GLOD4: variants seen among roughly 807,000 people sequenced by gnomAD.
GLOD4 encodes glyoxalase domain containing 4.
GLOD4 carries 44 observed loss-of-function variants against 39.1 expected under a neutral mutation model. The ratio of observed to expected loss-of-function variants is 1.13; its 90% confidence interval spans 0.88 to 1.45. The LOEUF (loss-of-function observed/expected upper bound fraction) is 1.45. Ranked by LOEUF, GLOD4 falls within the 40% of genes most tolerant of loss-of-function variation. The probability of loss-of-function intolerance (pLI) is 0.00; values close to 1 mark genes in which losing one functional copy is unlikely to be tolerated. For synonymous variants in GLOD4, 145 were observed against 135.0 expected (o/e 1.07, Z -0.52); for missense variants, 405 against 366.4 (o/e 1.11, Z -0.86).
intron 4 of GLOD4, among the ~76,000 whole-genome samples, chr17:771,873 C>A (rs1031669373): frequency 2.0e-5 from 3 of 151,812 alleles, no homozygotes; most frequent in African/African-American, 7.3e-5. Flanking sequence ...ATTAGCTGGG[C>A]GTGGTGGCGC....
At chr17:782,577 G>T, upstream of GLOD4, 1 of 1,614,116 alleles carries the variant, frequency 6.2e-7, no homozygotes, top group Middle Eastern at 1.6e-4. Flanking sequence ...TGAGGCCAGT[G>T]CCCAGGAGCA....
At chr17:783,263 C>T (rs745338141), upstream of GLOD4, 2 of 1,613,724 alleles carry the variant, frequency 1.2e-6, no homozygotes, top group East Asian at 2.2e-5. Flanking sequence ...GTGTCAGCCT[C>T]ATTAAGGTGA....
rs1175609132 is a variant in GLOD4, at chr17:778,748, G to A, written c.91-4C>T. ...CAAATTCCTCATGCCGCAGAACCTG[G>A]TGTGAGATTTAGAATAAATTGTGAA... On this transcript the variant is annotated splice_polypyrimidine_tract_variant and splice_region_variant and intron_variant, in intron 1 of 8. Coordinates refer to ENST00000301329, the MANE Select transcript of GLOD4 (RefSeq NM_016080.4). 1.9e-6 allele frequency: 3 copies of A among 1,589,052 alleles called. No individual in the cohort carries two copies. Among genetic ancestry groups the A allele is most frequent in the African/African-American group, 1.3e-5 (1 of 74,424 alleles).
intron 8 of GLOD4, chr17:765,401 G>A (rs1012768477): frequency 5.3e-5 from 8 of 150,804 alleles, no homozygotes; most frequent in African/African-American, 1.9e-4. Context: ...AGAGGTCGCA[G>A]GTAAGCTCTC....
chr17:782,950 T>C, upstream of GLOD4: 5 of 1,285,976 alleles, frequency 3.9e-6, no homozygotes, highest in Non-Finnish European at 5.3e-6. Flanking sequence ...GGCCTCCCAA[T>C]GTGCTGGGAT....
At chr17:769,766 C>G in intron 8 of GLOD4, 103 bp downstream of exon 8, 1 of 778,418 alleles carries the variant, frequency 1.3e-6, no homozygotes, top group Admixed American at 1.9e-5. Context: ...GGACGTGGTT[C>G]TGACATTAAG....
At chr17:776,676 C>T (rs982304775) in intron 3 of GLOD4, among the ~76,000 whole-genome samples, 192 bp downstream of exon 3, 12 of 152,318 alleles carry the variant, frequency 7.9e-5, no homozygotes, top group East Asian at 7.7e-4. Context: ...TGTTACCTGA[C>T]GGCTCTTGCC....
chr17:771,389 C>T lies in GLOD4; in HGVS notation c.479G>A (p.Gly160Glu), dbSNP rs750700801. ...KSLNYWCNLL[G>E]MKIYEKDEEK... ...TTCATCTTTTTCATAAATTTTCATT[C>T]CCAGTAGATTACACCAGTAGTTCAA... is the stretch of plus-strand genomic sequence containing the variant. Residue 160 changes from glycine (G) to glutamate (E), a missense_variant, in exon 5 of 9, where the codon GGA becomes GAA. By Grantham distance (98) the Gly-to-Glu change is moderately conservative (BLOSUM62 -2). Coordinates refer to ENST00000301329, the MANE Select transcript of GLOD4 (RefSeq NM_016080.4). 1.9e-6 allele frequency: 3 copies of T among 1,591,172 alleles called. No homozygotes were observed. In the African/African-American group the frequency reaches 4.0e-5, roughly 21 times the overall value.
Position 759,824 on chromosome 17 carries a change from C to T in GLOD4, c.*349G>A, listed in dbSNP as rs1489057964. ...CACAGCTGCTCTCATAAAAGCTACACGATTCAGAGGTAACCCTAACTATCC... is the reference window on the plus strand; with the variant it reads ...CACAGCTGCTCTCATAAAAGCTACATGATTCAGAGGTAACCCTAACTATCC... On this transcript the variant is annotated 3_prime_UTR_variant, in exon 9 of 9. Coordinates refer to ENST00000301329, the MANE Select transcript of GLOD4 (RefSeq NM_016080.4). 3 of 221,040 alleles carry T rather than the reference C, an allele frequency of 1.4e-5. No homozygotes were observed. The highest frequency in any genetic ancestry group is 4.6e-5 in the African/African-American group (2 of 43,870). The allele number at this position is 221,040 out of a possible 1,614,324, so 13.7% of individuals were successfully genotyped here. A position where few individuals can be genotyped will look rare whatever the true frequency, so the allele number is the denominator to read the frequency against.
intron 4 of GLOD4, among the ~76,000 whole-genome samples, chr17:772,245 C>T (rs111440949): frequency 3.6e-4 from 52 of 143,764 alleles, no homozygotes; most frequent in Non-Finnish European, 5.9e-4. Context: ...ATTCAATGGA[C>T]GGCGCTAAGA....
chr17:770,695 GT>G (rs71145772), intron 5 of GLOD4, 188 bp from the exon 6 acceptor site: 14,657 of 374,168 alleles, frequency 0.039, 204 homozygotes, highest in East Asian at 0.084. Flanking sequence ...ACGCATCTAT[GT>G]TTTTTTTTTT....
chr17:776,963 T>C lies in GLOD4; in HGVS notation c.166A>G (p.Thr56Ala). ...TCCTCAGGCCCAAATCCCACCATTG[T>C]TTTACTCCATTTCCCATCATAAGGC... ...NGPYDGKWSK[T>A]MVGFGPEDDH... is the part of the protein sequence containing the mutation. The change falls in exon 3 of 9, where the codon ACA becomes GCA. Residue 56 changes from threonine to alanine, a missense_variant. Thr to Ala is a moderately conservative substitution (Grantham distance 58, BLOSUM62 0). Coordinates refer to ENST00000301329, the MANE Select transcript of GLOD4 (RefSeq NM_016080.4). 6.2e-7 allele frequency: 1 copy of C among 1,606,014 alleles called. No individual in the cohort carries two copies. Among genetic ancestry groups the C allele is most frequent in the African/African-American group, 1.3e-5 (1 of 74,872 alleles).
Position 759,898 on chromosome 17 carries a change from T to C in GLOD4, c.*275A>G, listed in dbSNP as rs1023670645. On this transcript the variant is annotated 3_prime_UTR_variant, in exon 9 of 9. Coordinates refer to ENST00000301329, the MANE Select transcript of GLOD4 (RefSeq NM_016080.4). ...CATGCCGCTGTCCTAGTCTGGACAA[T>C]CATCTGTCACTCATCCAACACAGTT... 7.4e-6 allele frequency: 3 copies of C among 403,470 alleles called. No individual in the cohort carries two copies. Among genetic ancestry groups the C allele is most frequent in the Non-Finnish European group, 1.3e-5 (3 of 225,092 alleles). The allele number at this position is 403,470 out of a possible 1,614,324, so 25.0% of individuals were successfully genotyped here. A position where few individuals can be genotyped will look rare whatever the true frequency, so the allele number is the denominator to read the frequency against.
Position 771,314 on chromosome 17 carries a change from A to G in GLOD4, c.543+11T>C, listed in dbSNP as rs754052816. On this transcript the variant is annotated intron_variant, in intron 5 of 8. Coordinates refer to ENST00000301329, the MANE Select transcript of GLOD4 (RefSeq NM_016080.4). ...CAAAGTAACAGGTTATTCTTCTCCA[A>G]GATTGCTCACCTGGTTATCAGCATA... 7.0e-6 allele frequency: 11 copies of G among 1,569,944 alleles called. No individual in the cohort carries two copies. The South Asian group carries it at 1.2e-4, about 17-fold the overall frequency.
At chr17:775,494 T>C (rs1295858833) in intron 4 of GLOD4, among the ~76,000 whole-genome samples, 1 of 152,222 alleles carries the variant, frequency 6.6e-6, no homozygotes, top group East Asian at 1.9e-4. Context: ...AGCTAAAAGA[T>C]TCTATAACTG....
intron 8 of GLOD4, among the ~76,000 whole-genome samples, chr17:767,204 C>T (rs1906734152): frequency 6.6e-6 from 1 of 152,176 alleles, no homozygotes; most frequent in African/African-American, 2.4e-5. Flanking sequence ...CACAGAGTTA[C>T]GTGACAGAAC....
At chr17:761,543 C>T (rs563829221) in intron 8 of GLOD4, among the ~76,000 whole-genome samples, 61 of 152,252 alleles carry the variant, frequency 4.0e-4, no homozygotes, top group Non-Finnish European at 6.0e-4. Context: ...TTGCTCTTGT[C>T]GCCCAGGCTG....
chr17:778,717 C>A lies in GLOD4; in HGVS notation c.118G>T (p.Gly40Cys), dbSNP rs1257204529. ...TACCCATTACAGGCAGCTTTGCAGCCTTCTTCAAATTCCTCATGCCGCAGA... is the reference window on the plus strand; with the variant it reads ...TACCCATTACAGGCAGCTTTGCAGCATTCTTCAAATTCCTCATGCCGCAGA... The part of the protein sequence containing the change: ...KVLRHEEFEE[G>C]CKAACNGPYD... Residue 40 changes from glycine to cysteine, a missense_variant, in exon 2 of 9, where the codon GGC (glycine) becomes TGC (cysteine). By Grantham distance (159) the Gly-to-Cys change is radical. Transcript: ENST00000301329. The A allele has an allele frequency of 1.2e-6, 2 of 1,603,824 alleles. No homozygotes were observed. The highest frequency in any genetic ancestry group is 1.7e-5 in the Admixed American group (1 of 60,000).
chr17:763,716 A>T (rs1371957675), intron 8 of GLOD4: 1 of 152,148 alleles, frequency 6.6e-6, no homozygotes, highest in South Asian at 2.1e-4. Flanking sequence ...CCTTTATGTA[A>T]TATTACTGGA....
Sources: gnomAD v4.1 joint callset for allele counts (sites outside exome capture counted in the v4.1 genomes callset) on GRCh38, gnomAD v4.1.1 for gene constraint, MANE v1.5 for transcripts, NCBI Gene and HGNC (gene_info 2026-07-23, HGNC 2026-07-21) for gene names.